SPATS2: variants seen among roughly 807,000 people sequenced by gnomAD.
SPATS2 encodes spermatogenesis-associated serine-rich protein 2.
SPATS2 carries 38 observed loss-of-function variants against 63.7 expected under a neutral mutation model. That is an observed-to-expected ratio of 0.60 (90% CI 0.46 to 0.78). The LOEUF is 0.78. SPATS2 is among the 30% of genes least tolerant of loss of function. SPATS2 has a pLI of 0.00. For synonymous variants in SPATS2, 207 were observed against 232.9 expected, an observed-to-expected ratio of 0.89 and a Z score of 1.01; for missense variants, 588 against 666.2, an observed-to-expected ratio of 0.88 and a Z score of 1.29.
At chr12:49,418,197 C>T (rs985465479) in intron 2 of SPATS2, among the ~76,000 whole-genome samples, 2 of 149,616 alleles carry the variant, frequency 1.3e-5, no homozygotes, top group African/African-American at 5.0e-5. Context: ...TCACTGCAGC[C>T]TCAACTTCCT....
chr12:49,369,678 GCTC>G (rs1943965406), intron 1 of SPATS2, among the ~76,000 whole-genome samples: 1 of 152,186 alleles, frequency 6.6e-6, no homozygotes, highest in Non-Finnish European at 1.5e-5. Flanking sequence ...AAGGTTTACT[GCTC>G]CTGTGATTTA....
At position 49,494,844 on chromosome 12, in the gene SPATS2, C is replaced by T. The variant is rs1310209560; in HGVS notation, c.368C>T (p.Ser123Phe). ...ATTCAAGAGGAACAGTCTGCGCCTT[C>T]CTCAGAGAAAGGTGGTATGAATGGC... is the stretch of plus-strand genomic sequence containing the variant. ...VSIQEEQSAP[S>F]SEKGGMNGYH... Residue 123 changes from serine (S) to phenylalanine (F), a missense_variant, in exon 7 of 14, where the codon TCC becomes TTC. By Grantham distance (155) the Ser-to-Phe change is radical (BLOSUM62 -2). Coordinates refer to ENST00000552918, the MANE Select transcript of SPATS2 (RefSeq NM_023071.4). 3.1e-6 allele frequency: 5 copies of T among 1,613,944 alleles called. No homozygotes were observed. The Middle Eastern group carries it at 5.0e-4, about 160-fold the overall frequency.
intron 2 of SPATS2, among the ~76,000 whole-genome samples, chr12:49,377,155 G>T (rs1354559451): frequency 6.6e-6 from 1 of 152,084 alleles, no homozygotes; most frequent in Non-Finnish European, 1.5e-5. Flanking sequence ...ACAAAGCTTA[G>T]TTGGTTAATG....
chr12:49,398,571 G>GTGCCACCCACA (rs1198419082), intron 2 of SPATS2, among the ~76,000 whole-genome samples: 1 of 152,192 alleles, frequency 6.6e-6, no homozygotes, highest in Admixed American at 6.5e-5. Context: ...AGACCAAGTA[G>GTGCCACCCACA]TGCCACCCAC....
At chr12:49,425,820 C>CG (rs1166297831) in intron 2 of SPATS2, among the ~76,000 whole-genome samples, 1 of 151,086 alleles carries the variant, frequency 6.6e-6, no homozygotes, top group African/African-American at 2.4e-5. Flanking sequence ...TTAGTAGAGA[C>CG]GGGGGTTTCA....
At chr12:49,495,130 CT>C in intron 7 of SPATS2, 128 bp downstream of exon 7, 1 of 1,017,396 alleles carries the variant, frequency 9.8e-7, no homozygotes, top group Non-Finnish European at 1.3e-6. Flanking sequence ...AGTCTTTTTA[CT>C]TTTTAGTTTT....
intron 2 of SPATS2, among the ~76,000 whole-genome samples, chr12:49,422,863 G>C (rs1381022900): frequency 2.6e-5 from 4 of 151,582 alleles, no homozygotes; most frequent in Non-Finnish European, 5.9e-5. Flanking sequence ...AGTGAGCCAA[G>C]ACCGTGCCAC....
chr12:49,509,871 A>G (rs1056972712), intron 9 of SPATS2, among the ~76,000 whole-genome samples: 3 of 150,686 alleles, frequency 2.0e-5, no homozygotes, highest in African/African-American at 4.9e-5. Context: ...TGGTTATTTT[A>G]TATGGAAAGA....
intron 2 of SPATS2, among the ~76,000 whole-genome samples, chr12:49,410,847 T>G (rs1944785722): frequency 6.6e-6 from 1 of 152,154 alleles, no homozygotes; most frequent in African/African-American, 2.4e-5. Flanking sequence ...TATAATCTTT[T>G]CTCTCATGGG....
intron 2 of SPATS2, among the ~76,000 whole-genome samples, chr12:49,438,344 A>C (rs957349891): frequency 1.3e-5 from 2 of 152,168 alleles, no homozygotes; most frequent in Non-Finnish European, 2.9e-5. Flanking sequence ...TACCACAATT[A>C]GTCTATTCAT....
At chr12:49,404,643 A>G (rs1944663704) in intron 2 of SPATS2, among the ~76,000 whole-genome samples, 1 of 152,118 alleles carries the variant, frequency 6.6e-6, no homozygotes, top group Non-Finnish European at 1.5e-5. Context: ...AGAATAGGGG[A>G]GAATAGTTAT....
chr12:49,401,347 G>T (rs1268837767), intron 2 of SPATS2, among the ~76,000 whole-genome samples: 1 of 152,076 alleles, frequency 6.6e-6, no homozygotes, highest in Non-Finnish European at 1.5e-5. Flanking sequence ...TAGCTGCATG[G>T]TGCAGGCATA....
At chr12:49,503,486 A>G (rs1946602868) in intron 9 of SPATS2, among the ~76,000 whole-genome samples, 1 of 150,406 alleles carries the variant, frequency 6.6e-6, no homozygotes, top group Non-Finnish European at 1.5e-5. Flanking sequence ...CGTCTCTACT[A>G]AAAATACAAA....
intron 3 of SPATS2, among the ~76,000 whole-genome samples, chr12:49,482,582 C>T (rs187488227): frequency 8.1e-4 from 123 of 152,314 alleles, no homozygotes; most frequent in African/African-American, 2.8e-3. Flanking sequence ...GGTTTCCCTA[C>T]TCTTTGCTAA....
At chr12:49,414,075 T>C (rs2137376862) in intron 2 of SPATS2, among the ~76,000 whole-genome samples, 1 of 152,326 alleles carries the variant, frequency 6.6e-6, no homozygotes, top group Non-Finnish European at 1.5e-5. Flanking sequence ...TTTTCTTGGC[T>C]TCTTTCCTGC....
chr12:49,453,120 C>T (rs1475217301), intron 2 of SPATS2, among the ~76,000 whole-genome samples: 1 of 148,746 alleles, frequency 6.7e-6, no homozygotes, highest in Non-Finnish European at 1.5e-5. Flanking sequence ...GATTGCGCCA[C>T]TGCACTCCCA....
rs760249491 is a variant in SPATS2 at position 49,500,185 on chromosome 12, C to T, written c.819C>T (p.Ala273=). ...MDASIKKMKQ[A]FAELESCLMD... ...CCTCCATTAAGAAAATGAAACAAGC[C>T]TTTGCTGAATTGGAGAGCTGGTAAT... is the stretch of plus-strand genomic sequence containing the variant. Residue 273 remains alanine, a synonymous_variant, in exon 9 of 14, where the codon GCC becomes GCT. Coordinates refer to ENST00000552918, the MANE Select transcript of SPATS2 (RefSeq NM_023071.4). 6.2e-7 allele frequency: 1 copy of T among 1,602,498 alleles called. No individual in the cohort carries two copies. The highest frequency in any genetic ancestry group is 1.8e-5 in the Admixed American group (1 of 56,724).
At chr12:49,455,222 C>G (rs910677950) in intron 2 of SPATS2, among the ~76,000 whole-genome samples, 1 of 152,024 alleles carries the variant, frequency 6.6e-6, no homozygotes, top group Non-Finnish European at 1.5e-5. Context: ...AAGCTTGCAC[C>G]CTCTGTCTGT....
intron 2 of SPATS2, among the ~76,000 whole-genome samples, chr12:49,460,156 T>C (rs1945796765): frequency 1.3e-5 from 2 of 150,216 alleles, no homozygotes; most frequent in South Asian, 4.2e-4. Context: ...AGGAAGAGAA[T>C]AGACCCTTGA....
Sources: allele counts gnomAD v4.1 joint callset (sites outside exome capture counted in the v4.1 genomes callset), GRCh38; gene constraint gnomAD v4.1.1; transcripts MANE v1.5; gene names NCBI Gene and HGNC (gene_info 2026-07-23, HGNC 2026-07-21).